The following DLG2 variants were observed in gnomAD, a reference collection of about 807,000 sequenced individuals.
DLG2 encodes disks large homolog 2.
In DLG2, 45 loss-of-function variants were observed where a neutral mutation model predicts 132.5. The ratio of observed to expected loss-of-function variants is 0.34; its 90% CI spans 0.27 to 0.44. The LOEUF is 0.44. Ranked by LOEUF, DLG2 falls within the 20% of genes least tolerant of loss-of-function variation. The pLI, the probability that DLG2 is intolerant of heterozygous loss-of-function variation, is 1.00. For synonymous variants in DLG2, 424 were observed against 419.6 expected (o/e 1.01, Z -0.13); for missense variants, 1,045 against 1,196.9 (o/e 0.87, Z 1.87).
At chr11:83,529,556 A>T (rs1029477103) in intron 21 of DLG2, among the ~76,000 whole-genome samples, 3 of 151,178 alleles carry the variant, frequency 2.0e-5, no homozygotes, top group African/African-American at 4.9e-5. Flanking sequence ...TGTGCTAGAG[A>T]TGACTCAATC....
At chr11:84,736,315 C>T (rs1026078743) in intron 6 of DLG2, among the ~76,000 whole-genome samples, 3 of 151,744 alleles carry the variant, frequency 2.0e-5, no homozygotes, top group Admixed American at 2.0e-4. Flanking sequence ...TCTTTGATCT[C>T]CAACTTTGTT....
chr11:85,421,523 T>C (rs7110583), intron 3 of DLG2, among the ~76,000 whole-genome samples: 265 of 151,958 alleles, frequency 1.7e-3, no homozygotes, highest in African/African-American at 5.2e-3. Context: ...ATGTCTTTTT[T>C]CACCCGTTTA....
chr11:84,966,217 T>G (rs557226552), intron 6 of DLG2, among the ~76,000 whole-genome samples: 85 of 152,210 alleles, frequency 5.6e-4, no homozygotes, highest in Non-Finnish European at 9.1e-4. Context: ...TATCTATCTA[T>G]CTGTCTGTCT....
chr11:84,645,646 T>A (rs2099673842), intron 6 of DLG2, among the ~76,000 whole-genome samples: 1 of 152,074 alleles, frequency 6.6e-6, no homozygotes, highest in Admixed American at 6.5e-5. Context: ...TTTTTGTATT[T>A]TTAGTAGAGA....
intron 3 of DLG2, among the ~76,000 whole-genome samples, chr11:85,334,053 T>A (rs1315686426): frequency 6.6e-6 from 1 of 152,166 alleles, no homozygotes; most frequent in African/African-American, 2.4e-5. Context: ...TGTGAATCCA[T>A]TTCATCCTGG....
intron 3 of DLG2, among the ~76,000 whole-genome samples, chr11:85,434,182 G>C (rs1292431459): frequency 1.3e-5 from 2 of 152,130 alleles, no homozygotes; most frequent in East Asian, 3.8e-4. Context: ...TGTGTTAAGA[G>C]GGAAATTTAT....
chr11:84,821,906 A>G (rs1049087043), intron 6 of DLG2, among the ~76,000 whole-genome samples: 2 of 151,822 alleles, frequency 1.3e-5, no homozygotes, highest in African/African-American at 2.4e-5. Context: ...CAAACAAGAA[A>G]CAAGCAGATG....
chr11:84,152,731 T>C (rs1400998665), intron 9 of DLG2, among the ~76,000 whole-genome samples: 1 of 152,204 alleles, frequency 6.6e-6, no homozygotes, highest in Non-Finnish European at 1.5e-5. Flanking sequence ...TCCATTCTTT[T>C]ACTTTGAGAC....
chr11:83,898,870 T>C (rs77033657), intron 15 of DLG2, among the ~76,000 whole-genome samples: 11,165 of 152,280 alleles, frequency 0.073, 530 homozygotes, highest in African/African-American at 0.13. Flanking sequence ...CATATCCCTG[T>C]ATAATTCAGA....
chr11:85,414,951 G>C (rs748385574), intron 3 of DLG2, among the ~76,000 whole-genome samples: 8 of 152,022 alleles, frequency 5.3e-5, no homozygotes, highest in Non-Finnish European at 8.8e-5. Flanking sequence ...ATGGGGGTTT[G>C]CTGCACTCAC....
intron 21 of DLG2, among the ~76,000 whole-genome samples, chr11:83,521,906 C>T (rs948339055): frequency 3.3e-5 from 5 of 152,134 alleles, no homozygotes; most frequent in Admixed American, 6.6e-5. Context: ...AAGAGTCAAC[C>T]TCTTTATTTA....
At chr11:84,163,368 C>A in intron 9 of DLG2, 93 bp downstream of exon 9, 3 of 1,194,564 alleles carry the variant, frequency 2.5e-6, no homozygotes, top group South Asian at 1.5e-5. Context: ...TTATAAAACA[C>A]AATTGTATAA....
At chr11:85,614,671 G>T (rs1045999978) in intron 2 of DLG2, among the ~76,000 whole-genome samples, 1 of 152,158 alleles carries the variant, frequency 6.6e-6, no homozygotes, top group African/African-American at 2.4e-5. Context: ...ACAGTTCAAG[G>T]TGATACCACA....
chr11:84,645,091 C>T (rs761767206), intron 6 of DLG2, among the ~76,000 whole-genome samples: 5 of 152,122 alleles, frequency 3.3e-5, no homozygotes, highest in Non-Finnish European at 5.9e-5. Context: ...TACAGGCACT[C>T]CTACTTTCAA....
chr11:84,060,896 T>A (rs2096581286), intron 10 of DLG2, among the ~76,000 whole-genome samples: 1 of 152,174 alleles, frequency 6.6e-6, no homozygotes, highest in African/African-American at 2.4e-5. Flanking sequence ...GCTACCACCC[T>A]GGTTGAAATC....
chr11:85,497,147 G>A (rs1428423045), intron 3 of DLG2, among the ~76,000 whole-genome samples: 1 of 151,968 alleles, frequency 6.6e-6, no homozygotes, highest in African/African-American at 2.4e-5. Context: ...AAAGAAGCAT[G>A]TTCTAACCCG....
intron 6 of DLG2, among the ~76,000 whole-genome samples, chr11:84,710,058 G>A (rs1419468671): frequency 6.6e-6 from 1 of 151,874 alleles, no homozygotes; most frequent in East Asian, 1.9e-4. Flanking sequence ...TTGTACTTAT[G>A]AAGAGAGAGT....
chr11:83,646,369 G>GAC (rs1343574068), intron 18 of DLG2, among the ~76,000 whole-genome samples: 1 of 152,128 alleles, frequency 6.6e-6, no homozygotes, highest in South Asian at 2.1e-4. Context: ...GAGAGAGAGA[G>GAC]AGAGAGAGGA....
chr11:83,744,092 A>G (rs1012170547), intron 18 of DLG2, among the ~76,000 whole-genome samples: 2 of 152,204 alleles, frequency 1.3e-5, no homozygotes, highest in Non-Finnish European at 2.9e-5. Flanking sequence ...TCTTCCTGTT[A>G]TCTTTCTACT....
Sources: allele counts gnomAD v4.1 joint callset (sites outside exome capture counted in the v4.1 genomes callset), GRCh38; gene constraint gnomAD v4.1.1; transcripts MANE v1.5; gene names NCBI Gene and HGNC (gene_info 2026-07-23, HGNC 2026-07-21).